The following DMD variants were observed in gnomAD, a reference collection of about 807,000 sequenced individuals.
The protein encoded by DMD is mutant dystrophin.
Under a neutral mutation model 330.1 loss-of-function variants are expected in DMD, and 63 were observed. That is an observed-to-expected ratio of 0.19 (90% CI 0.16 to 0.24). The LOEUF is 0.24. Ranked by LOEUF, DMD falls within the 10% of genes least tolerant of loss-of-function variation. DMD has a pLI of 1.00. For synonymous variants in DMD, 1,223 were observed against 959.8 expected (o/e 1.27, Z -5.07); for missense variants, 3,344 against 2,684.1 (o/e 1.25, Z -5.43).
intron 43 of DMD, among the ~76,000 whole-genome samples, chrX:32,263,461 T>C (rs1236881726): frequency 8.9e-6 from 1 of 112,599 alleles, no homozygotes; most frequent in African/African-American, 3.2e-5. Flanking sequence ...AGAAATTCCA[T>C]TTTACTATTG....
intron 2 of DMD, among the ~76,000 whole-genome samples, chrX:32,874,689 C>A (rs1281833350): frequency 2.7e-5 from 3 of 111,788 alleles, no homozygotes; most frequent in Non-Finnish European, 3.8e-5. Context: ...AAGTAGAATG[C>A]AACGAATATG....
intron 2 of DMD, among the ~76,000 whole-genome samples, chrX:32,888,809 A>G (rs1159085198): frequency 8.9e-6 from 1 of 112,091 alleles, no homozygotes; most frequent in Non-Finnish European, 1.9e-5. Flanking sequence ...TATACACACA[A>G]TGGAACACTA....
chrX:32,403,915 A>C (rs2098102005), intron 30 of DMD, among the ~76,000 whole-genome samples: 1 of 112,021 alleles, frequency 8.9e-6, no homozygotes, highest in Admixed American at 9.5e-5. Flanking sequence ...TAACTCATAA[A>C]TCAATAAAGC....
At chrX:32,930,100 T>G (rs1418642213) in intron 2 of DMD, among the ~76,000 whole-genome samples, 5 of 111,563 alleles carry the variant, frequency 4.5e-5, no homozygotes, top group Non-Finnish European at 1.9e-5. Context: ...TTAAACATGC[T>G]TAGAACACTT....
At chrX:31,388,683 C>G (rs972475031) in intron 60 of DMD, among the ~76,000 whole-genome samples, 4 of 111,805 alleles carry the variant, frequency 3.6e-5, no homozygotes, top group Non-Finnish European at 1.9e-5. Context: ...GGGCGGATCA[C>G]CTGAGGTCAG....
intron 17 of DMD, among the ~76,000 whole-genome samples, chrX:32,523,579 A>T (rs1436051614): frequency 8.9e-6 from 1 of 112,185 alleles, no homozygotes; most frequent in Non-Finnish European, 1.9e-5. Context: ...CTATCAGATC[A>T]TTCCCTTTTT....
intron 73 of DMD, among the ~76,000 whole-genome samples, chrX:31,171,374 G>A (rs771903660): frequency 9.0e-6 from 1 of 111,467 alleles, no homozygotes; most frequent in East Asian, 2.8e-4. Flanking sequence ...CCTTATGAAG[G>A]TTCTTTTCTC....
chrX:31,964,818 G>C (rs2095337883), intron 45 of DMD, among the ~76,000 whole-genome samples: 1 of 110,635 alleles, frequency 9.0e-6, no homozygotes. Flanking sequence ...CTTGGGGAAG[G>C]AAAAAATTCA....
intron 9 of DMD, among the ~76,000 whole-genome samples, chrX:32,671,042 T>A (rs2061602435): frequency 9.0e-6 from 1 of 111,020 alleles, no homozygotes; most frequent in African/African-American, 3.3e-5. Flanking sequence ...CCAATATAGA[T>A]GACAGTTTAT....
At chrX:31,872,786 T>C (rs1200068157) in intron 48 of DMD, among the ~76,000 whole-genome samples, 2 of 111,466 alleles carry the variant, frequency 1.8e-5, no homozygotes, top group Admixed American at 9.6e-5. Flanking sequence ...TTATTGTGTA[T>C]TGGGCCAAGT....
At chrX:32,124,070 C>T (rs765456073) in intron 44 of DMD, among the ~76,000 whole-genome samples, 2 of 111,808 alleles carry the variant, frequency 1.8e-5, no homozygotes, top group East Asian at 5.6e-4. Flanking sequence ...TTATATTGAG[C>T]TTCTACCACA....
At chrX:32,089,510 C>T (rs1477521007) in intron 44 of DMD, among the ~76,000 whole-genome samples, 1 of 111,473 alleles carries the variant, frequency 9.0e-6, no homozygotes, top group Non-Finnish European at 1.9e-5. Flanking sequence ...CATCATTTAG[C>T]TTCCATTTAT....
Position 32,590,840 on chromosome X carries a change from G to T in DMD, c.1602+4917C>A, listed in dbSNP as rs748304195. 2.7e-5 allele frequency among the ~76,000 whole-genome samples: 3 copies of T among 111,209 alleles called. No individual in the cohort carries two copies. The South Asian group carries it at 1.2e-3, about 43-fold the overall frequency. On this transcript the variant is annotated intron_variant, in intron 13 of 78. Transcript: ENST00000357033. ...TCTCTCTTCTCCCAGCTTGCAGATG[G>T]CGTATCATGGGACTTCACCTTGTAA... is the stretch of plus-strand genomic sequence containing the variant.
chrX:32,368,325 C>T (rs1473982084), intron 34 of DMD, among the ~76,000 whole-genome samples: 4 of 109,641 alleles, frequency 3.6e-5, no homozygotes, highest in Non-Finnish European at 3.8e-5. Context: ...AAAAAAATCA[C>T]ATTTTTTTTT....
intron 64 of DMD, among the ~76,000 whole-genome samples, chrX:31,219,833 TACACAC>T (rs58717973): frequency 1.4e-3 from 140 of 100,347 alleles, no homozygotes; most frequent in African/African-American, 3.5e-3. Context: ...GATCAATGTA[TACACAC>T]ACACACACAC....
At chrX:33,071,014 T>C (rs1453824932) in intron 1 of DMD, among the ~76,000 whole-genome samples, 4 of 110,982 alleles carry the variant, frequency 3.6e-5, no homozygotes, top group African/African-American at 1.3e-4. Flanking sequence ...CATTGCTCTC[T>C]ATTATACAAA....
chrX:31,868,796 A>G (rs1255170568), intron 48 of DMD, among the ~76,000 whole-genome samples: 1 of 100,045 alleles, frequency 1.0e-5, no homozygotes, highest in Non-Finnish European at 2.0e-5. Flanking sequence ...CAAGTTCTTG[A>G]CTTGCCTTCC....
At chrX:32,927,363 C>CTTTTT (rs536073565) in intron 2 of DMD, among the ~76,000 whole-genome samples, 2 of 57,030 alleles carry the variant, frequency 3.5e-5, no homozygotes, top group Non-Finnish European at 6.2e-5. Context: ...TTCTTTCTTT[C>CTTTTT]TTTTTTTTTT....
At chrX:31,997,063 C>G (rs1259001634) in intron 44 of DMD, among the ~76,000 whole-genome samples, 1 of 111,545 alleles carries the variant, frequency 9.0e-6, no homozygotes, top group Non-Finnish European at 1.9e-5. Flanking sequence ...ATCAGAAGAA[C>G]CTTAGTCAAG....
Sources: gnomAD v4.1 joint callset for allele counts (sites outside exome capture counted in the v4.1 genomes callset) on GRCh38, gnomAD v4.1.1 for gene constraint, MANE v1.5 for transcripts, NCBI Gene and HGNC (gene_info 2026-07-23, HGNC 2026-07-21) for gene names.